MLIP: variants seen among roughly 807,000 people sequenced by gnomAD.
MLIP encodes the protein muscular LMNA-interacting protein.
A neutral mutation model predicts 84.8 loss-of-function variants in MLIP; 79 were observed. That is an observed-to-expected ratio of 0.93 (90% CI 0.78 to 1.12). MLIP has a LOEUF of 1.12. MLIP is among the 50% of genes most tolerant of loss of function. The pLI is 0.00. For synonymous variants in MLIP, 504 were observed against 463.0 expected, an observed-to-expected ratio of 1.09 and a Z score of -1.14; for missense variants, 1,257 against 1,160.6, an observed-to-expected ratio of 1.08 and a Z score of -1.21.
At chr6:54,060,914 G>C (rs1401752144) in intron 1 of MLIP, among the ~76,000 whole-genome samples, 1 of 151,306 alleles carries the variant, frequency 6.6e-6, no homozygotes, top group Admixed American at 6.6e-5. Flanking sequence ...AAATCAGATG[G>C]AGGCAAATAG....
intron 8 of MLIP, among the ~76,000 whole-genome samples, chr6:54,166,823 T>C (rs1261629619): frequency 6.6e-6 from 1 of 152,006 alleles, no homozygotes; most frequent in Non-Finnish European, 1.5e-5. Context: ...CATTTCCATT[T>C]ATACTTCTAA....
chr6:54,160,970 T>TG (rs1467431392), intron 8 of MLIP, among the ~76,000 whole-genome samples, 171 bp downstream of exon 8: 1 of 152,116 alleles, frequency 6.6e-6, no homozygotes, highest in East Asian at 1.9e-4. Context: ...TTTCAAGTAA[T>TG]GTATAGGTTT....
intron 1 of MLIP, among the ~76,000 whole-genome samples, chr6:54,072,086 G>C (rs1766519957): frequency 6.6e-6 from 1 of 152,138 alleles, no homozygotes; most frequent in Non-Finnish European, 1.5e-5. Flanking sequence ...GCATACTGAT[G>C]AAACTACTAA....
chr6:54,166,723 A>T (rs1393887899), intron 8 of MLIP, among the ~76,000 whole-genome samples: 1 of 151,686 alleles, frequency 6.6e-6, no homozygotes, highest in East Asian at 1.9e-4. Context: ...ACCCTGTTTT[A>T]TGTTATAAAA....
At chr6:54,118,679 C>A (rs1402572758) in intron 1 of MLIP, among the ~76,000 whole-genome samples, 1 of 151,914 alleles carries the variant, frequency 6.6e-6, no homozygotes, top group Non-Finnish European at 1.5e-5. Context: ...TTTTAGCAAA[C>A]TAAAAAGCTT....
chr6:54,197,531 C>T (rs932306743), intron 10 of MLIP, among the ~76,000 whole-genome samples: 3 of 152,076 alleles, frequency 2.0e-5, no homozygotes, highest in Non-Finnish European at 4.4e-5. Flanking sequence ...AATCAGTTCT[C>T]AGTACATTCA....
chr6:54,113,787 G>A (rs1388874120), intron 1 of MLIP, among the ~76,000 whole-genome samples: 1 of 152,040 alleles, frequency 6.6e-6, no homozygotes. Context: ...AGTCATCATA[G>A]TATCAACTCT....
chr6:54,117,738 A>G (rs139012968), intron 1 of MLIP, among the ~76,000 whole-genome samples: 1,855 of 151,518 alleles, frequency 0.012, 41 homozygotes, highest in African/African-American at 0.041. Flanking sequence ...CGAGATCAGG[A>G]GATCGACACC....
intron 8 of MLIP, among the ~76,000 whole-genome samples, chr6:54,164,316 A>T (rs79607344): frequency 0.013 from 2,024 of 151,948 alleles, 45 homozygotes; most frequent in African/African-American, 0.046. Flanking sequence ...CTTACTCTTC[A>T]TATTTTTCTA....
At chr6:54,189,938 T>C in intron 10 of MLIP, 24 bp downstream of exon 10, 1 of 1,542,542 alleles carries the variant, frequency 6.5e-7, no homozygotes, top group Non-Finnish European at 9.0e-7. Context: ...AAGTCACAGA[T>C]CTACTGCAAA....
At chr6:54,193,791 A>G (rs1191233773) in intron 10 of MLIP, among the ~76,000 whole-genome samples, 1 of 152,114 alleles carries the variant, frequency 6.6e-6, no homozygotes, top group Non-Finnish European at 1.5e-5. Flanking sequence ...GAAAGGAAAG[A>G]TCTAGGGTCT....
intron 3 of MLIP, among the ~76,000 whole-genome samples, chr6:54,135,611 T>G (rs916614631): frequency 6.6e-6 from 1 of 152,118 alleles, no homozygotes; most frequent in African/African-American, 2.4e-5. Context: ...TCCTGCTATG[T>G]GCTTAATGAA....
chr6:54,179,365 T>C (rs771565891), intron 9 of MLIP, among the ~76,000 whole-genome samples: 11 of 152,170 alleles, frequency 7.2e-5, no homozygotes, highest in Non-Finnish European at 1.3e-4. Flanking sequence ...ACTCTATGAC[T>C]TTTGATTGGA....
At chr6:54,114,993 T>A (rs1769787290) in intron 1 of MLIP, among the ~76,000 whole-genome samples, 2 of 152,188 alleles carry the variant, frequency 1.3e-5, no homozygotes, top group Non-Finnish European at 2.9e-5. Flanking sequence ...GGAAACAAAG[T>A]CATCAGCTCC....
chr6:54,085,546 A>G (rs1470705219), intron 1 of MLIP, among the ~76,000 whole-genome samples: 1 of 152,188 alleles, frequency 6.6e-6, no homozygotes, highest in African/African-American at 2.4e-5. Context: ...TTGGGGGGAT[A>G]TTTGAAGAGA....
At chr6:54,237,366 C>T (rs1781435149) in intron 12 of MLIP, among the ~76,000 whole-genome samples, 1 of 151,758 alleles carries the variant, frequency 6.6e-6, no homozygotes, top group Non-Finnish European at 1.5e-5. Flanking sequence ...AGCCCTGAGG[C>T]AAAGAAAAGT....
chr6:54,070,337 C>A (rs953308549), intron 1 of MLIP, among the ~76,000 whole-genome samples: 1 of 152,118 alleles, frequency 6.6e-6, no homozygotes, highest in African/African-American at 2.4e-5. Flanking sequence ...CCCACCTCCC[C>A]CCCATGTTTA....
In MLIP at chr6:54,121,159, C is replaced by T. The variant is rs1770415940; in HGVS notation, c.97-288C>T. Among the ~76,000 whole-genome samples the T allele has an allele frequency of 2.0e-5, 3 of 152,118 alleles. No homozygotes were observed. In the South Asian group the frequency reaches 6.2e-4, roughly 32 times the overall value. ...TGATGACCCCACTGAGGCAGAAATG[C>T]TCTGTGAGATTCCAGCTGATCAGCT... On this transcript the variant is annotated intron_variant, in intron 1 of 13. Transcript: ENST00000502396.
intron 1 of MLIP, chr6:54,043,250 T>A (rs1223254754): frequency 6.6e-6 from 1 of 152,212 alleles, no homozygotes; most frequent in African/African-American, 2.4e-5. Context: ...AATGTCTTCA[T>A]TTTATATCAA....
Sources: allele counts gnomAD v4.1 joint callset (sites outside exome capture counted in the v4.1 genomes callset), GRCh38; gene constraint gnomAD v4.1.1; transcripts MANE v1.5; gene names NCBI Gene and HGNC (gene_info 2026-07-23, HGNC 2026-07-21).